Variants in CNTN6 observed in about 807,000 individuals in gnomAD.
CNTN6 encodes contactin 6, also known as contactin-6.
In CNTN6, 137 loss-of-function variants were observed where a neutral mutation model predicts 122.8. The ratio of observed to expected loss-of-function variants is 1.12; its 90% CI spans 0.97 to 1.29. CNTN6 has a LOEUF of 1.29. Among genes scored for constraint, CNTN6 ranks in the 50% most tolerant of loss-of-function variants. The probability of loss-of-function intolerance (pLI) is 0.00; values close to 1 mark genes in which losing one functional copy is unlikely to be tolerated. For missense variants in CNTN6, 1,634 were observed against 1,223.4 expected, an observed-to-expected ratio of 1.34 and a Z score of -5.01; for synonymous variants, 570 against 426.0, an observed-to-expected ratio of 1.34 and a Z score of -4.16.
At chr3:1,397,777 A>G (rs561048653) in intron 20 of CNTN6, among the ~76,000 whole-genome samples, 8 of 152,144 alleles carry the variant, frequency 5.3e-5, no homozygotes, top group African/African-American at 7.2e-5. Context: ...CAAATATGCA[A>G]TCAATCCATA....
intron 4 of CNTN6, among the ~76,000 whole-genome samples, chr3:1,244,676 G>T (rs1444229648): frequency 6.6e-6 from 1 of 152,164 alleles, no homozygotes; most frequent in African/African-American, 2.4e-5. Flanking sequence ...GAGCAATAAA[G>T]CTGTTTATTT....
intron 1 of CNTN6, among the ~76,000 whole-genome samples, chr3:1,137,010 T>A (rs1165654455): frequency 6.6e-6 from 1 of 152,180 alleles, no homozygotes; most frequent in Non-Finnish European, 1.5e-5. Flanking sequence ...ATTCTATTAT[T>A]ACTATTATTC....
chr3:1,361,166 T>C (rs155899), intron 12 of CNTN6, among the ~76,000 whole-genome samples: 118,568 of 152,088 alleles, frequency 0.78, 46,969 homozygotes, highest in African/African-American at 0.93. Flanking sequence ...CCCGACCCCA[T>C]CCGCTGCCTT....
chr3:1,398,461 A>T (rs1695258622), intron 20 of CNTN6, among the ~76,000 whole-genome samples: 1 of 152,164 alleles, frequency 6.6e-6, no homozygotes, highest in East Asian at 1.9e-4. Context: ...GAGCAATATT[A>T]TTAAGGGGAA....
At chr3:1,320,450 A>G (rs1700694244) in intron 7 of CNTN6, among the ~76,000 whole-genome samples, 1 of 151,654 alleles carries the variant, frequency 6.6e-6, no homozygotes. Context: ...TTACTGCTCA[A>G]ACTCTCCAAA....
chr3:1,398,890 G>C (rs936768705), intron 20 of CNTN6, among the ~76,000 whole-genome samples: 1 of 152,028 alleles, frequency 6.6e-6, no homozygotes, highest in Non-Finnish European at 1.5e-5. Flanking sequence ...AACTCTTCTC[G>C]TTTTATGCCC....
At chr3:1,316,723 A>G (rs1293519977) in intron 7 of CNTN6, among the ~76,000 whole-genome samples, 5 of 150,282 alleles carry the variant, frequency 3.3e-5, no homozygotes, top group Non-Finnish European at 4.5e-5. Flanking sequence ...ACCTTATTGT[A>G]ATTGTTATTA....
chr3:1,394,584 CTATA>C (rs111279254), intron 20 of CNTN6: 1 of 151,584 alleles, frequency 6.6e-6, no homozygotes. Flanking sequence ...TGTATATATT[CTATA>C]TATATATATC....
chr3:1,352,291 C>A (rs754413652), intron 11 of CNTN6, 33 bp from the exon 12 acceptor site: 4 of 1,468,928 alleles, frequency 2.7e-6, no homozygotes, highest in South Asian at 1.5e-5. Context: ...GTTGAAGAGC[C>A]TTACTTCTAT....
intron 1 of CNTN6, among the ~76,000 whole-genome samples, chr3:1,121,311 G>A (rs1467951001): frequency 6.6e-6 from 1 of 151,828 alleles, no homozygotes; most frequent in South Asian, 2.1e-4. Flanking sequence ...ATCATTACAA[G>A]TTTTTTGAAA....
chr3:1,206,706 A>G (rs1234848763), intron 2 of CNTN6, among the ~76,000 whole-genome samples: 1 of 151,572 alleles, frequency 6.6e-6, no homozygotes, highest in Non-Finnish European at 1.5e-5. Context: ...CCATATCCTC[A>G]CTCCATTCAG....
At chr3:1,305,969 A>T (rs1185710121) in intron 7 of CNTN6, among the ~76,000 whole-genome samples, 2 of 152,224 alleles carry the variant, frequency 1.3e-5, no homozygotes, top group Non-Finnish European at 2.9e-5. Flanking sequence ...TAATGTGGAC[A>T]TCATTGCAGA....
intron 2 of CNTN6, among the ~76,000 whole-genome samples, chr3:1,165,976 T>G (rs188981534): frequency 7.7e-4 from 118 of 152,284 alleles, no homozygotes; most frequent in Non-Finnish European, 1.4e-3. Flanking sequence ...CATCTCCACA[T>G]TACCACTTAC....
rs377046556 is a variant in CNTN6 at position 1,272,310 on chromosome 3, G to C, written c.359-6103G>C. 4.7e-4 allele frequency among the ~76,000 whole-genome samples: 71 copies of C among 152,266 alleles called. No individual in the cohort carries two copies. The Middle Eastern group carries it at 0.017, about 36-fold the overall frequency. On this transcript the variant is annotated intron_variant, in intron 4 of 22. Coordinates refer to ENST00000446702, the MANE Select transcript of CNTN6 (RefSeq NM_001289080.2). ...GACACATAGAAATTGGGTCAACTTT[G>C]GTCAGTGGCCAGTCATCTGTGAACC... is the stretch of plus-strand genomic sequence containing the variant.
chr3:1,165,785 G>A (rs74477995), intron 2 of CNTN6, among the ~76,000 whole-genome samples: 4 of 152,140 alleles, frequency 2.6e-5, no homozygotes, highest in African/African-American at 7.2e-5. Flanking sequence ...TAACATGGCA[G>A]GTCAGTAACA....
intron 4 of CNTN6, among the ~76,000 whole-genome samples, chr3:1,258,969 G>T (rs888686401): frequency 6.6e-6 from 1 of 152,118 alleles, no homozygotes; most frequent in Non-Finnish European, 1.5e-5. Context: ...TGTCTCTGCT[G>T]TTATTGGGTG....
intron 5 of CNTN6, among the ~76,000 whole-genome samples, chr3:1,279,559 G>A (rs949804852): frequency 2.0e-5 from 3 of 152,166 alleles, no homozygotes; most frequent in African/African-American, 7.2e-5. Flanking sequence ...ACTGGTCCAA[G>A]GTCACGCAGC....
At chr3:1,316,819 CATTG>C (rs1238339214) in intron 7 of CNTN6, among the ~76,000 whole-genome samples, 1 of 151,804 alleles carries the variant, frequency 6.6e-6, no homozygotes, top group African/African-American at 2.4e-5. Flanking sequence ...TTTTGTTTTT[CATTG>C]ATTCCAGTTT....
At chr3:1,257,781 G>A (rs541608672) in intron 4 of CNTN6, among the ~76,000 whole-genome samples, 9 of 152,118 alleles carry the variant, frequency 5.9e-5, no homozygotes, top group African/African-American at 1.9e-4. Context: ...ACACCGAAGG[G>A]TCATATTTCT....
Sources: gnomAD v4.1 joint callset for allele counts (sites outside exome capture counted in the v4.1 genomes callset) on GRCh38, gnomAD v4.1.1 for gene constraint, MANE v1.5 for transcripts, NCBI Gene and HGNC (gene_info 2026-07-23, HGNC 2026-07-21) for gene names.